The following PLXDC2 variants were observed in gnomAD, a reference collection of about 807,000 sequenced individuals.
PLXDC2 encodes plexin domain-containing protein 2.
PLXDC2 carries 40 observed loss-of-function variants against 68.9 expected under a neutral mutation model. That is an observed-to-expected ratio of 0.58 (90% CI 0.45 to 0.76). The LOEUF is 0.76. PLXDC2 is among the 30% of genes least tolerant of loss of function. The pLI, the probability that PLXDC2 is intolerant of heterozygous loss-of-function variation, is 0.00. For synonymous variants in PLXDC2, 243 were observed against 234.2 expected (o/e 1.04, Z -0.34); for missense variants, 644 against 661.9 (o/e 0.97, Z 0.30).
chr10:20,173,218 T>G (rs562287129), intron 7 of PLXDC2, among the ~76,000 whole-genome samples: 1 of 152,208 alleles, frequency 6.6e-6, no homozygotes, highest in Admixed American at 6.5e-5. Flanking sequence ...AGAAAAGAAA[T>G]AAGATACAAC....
chr10:19,948,872 C>T (rs890943875), intron 1 of PLXDC2, among the ~76,000 whole-genome samples: 2 of 151,850 alleles, frequency 1.3e-5, no homozygotes, highest in South Asian at 2.1e-4. Flanking sequence ...TGGCCGGGCG[C>T]GGTGGCTCAC....
chr10:19,856,744 C>T (rs917278585), intron 1 of PLXDC2, among the ~76,000 whole-genome samples: 3 of 152,122 alleles, frequency 2.0e-5, no homozygotes, highest in African/African-American at 7.2e-5. Context: ...GAAATCAAAA[C>T]AACTTGTACT....
chr10:20,056,803 T>C (rs1437524967), intron 3 of PLXDC2, among the ~76,000 whole-genome samples: 1 of 152,130 alleles, frequency 6.6e-6, no homozygotes, highest in Non-Finnish European at 1.5e-5. Context: ...AAATTAGCCA[T>C]GAAAGGTAAT....
intron 1 of PLXDC2, among the ~76,000 whole-genome samples, chr10:19,924,465 G>A (rs1833507433): frequency 6.6e-6 from 1 of 152,100 alleles, no homozygotes. Flanking sequence ...CAATTACATT[G>A]ACATTTCTGA....
At chr10:20,224,701 A>G (rs1835263884) in intron 12 of PLXDC2, among the ~76,000 whole-genome samples, 1 of 152,256 alleles carries the variant, frequency 6.6e-6, no homozygotes, top group Non-Finnish European at 1.5e-5. Context: ...AATTATTTCA[A>G]GCTCTGAAAT....
At chr10:20,067,367 G>C (rs1836229004) in intron 3 of PLXDC2, among the ~76,000 whole-genome samples, 2 of 152,066 alleles carry the variant, frequency 1.3e-5, no homozygotes, top group African/African-American at 4.8e-5. Context: ...AATTTGGAGA[G>C]CTGATTGTAT....
At chr10:20,097,728 G>T (rs759104253) in intron 4 of PLXDC2, among the ~76,000 whole-genome samples, 4 of 152,046 alleles carry the variant, frequency 2.6e-5, no homozygotes, top group Non-Finnish European at 5.9e-5. Context: ...ATAGGTGCCT[G>T]TGGACCACGG....
chr10:19,826,146 C>T (rs540770515), intron 1 of PLXDC2, among the ~76,000 whole-genome samples: 3 of 152,236 alleles, frequency 2.0e-5, no homozygotes, highest in South Asian at 4.1e-4. Flanking sequence ...GGAATGCTGT[C>T]CTGAACTTTT....
chr10:20,234,556 C>G (rs1387930612), intron 12 of PLXDC2, among the ~76,000 whole-genome samples: 1 of 151,728 alleles, frequency 6.6e-6, no homozygotes, highest in Non-Finnish European at 1.5e-5. Flanking sequence ...ATTTTGTTTT[C>G]TTTCTGTCCT....
chr10:20,008,878 CTT>C lies in PLXDC2; in HGVS notation c.324+6894_324+6895del, dbSNP rs1283365505. 2.0e-5 allele frequency among the ~76,000 whole-genome samples: 3 copies of C among 152,194 alleles called. No individual in the cohort carries two copies. The East Asian group carries it at 5.8e-4, about 29-fold the overall frequency. On this transcript the variant is annotated intron_variant, in intron 2 of 13. Transcript: ENST00000377252. ...CTGCCTGTCGCCATGCAAGACATGA[CTT>C]TGCTCCTCCTTCACCTTCTGCCGTG...
intron 4 of PLXDC2, among the ~76,000 whole-genome samples, chr10:20,072,145 G>C (rs951930560): frequency 6.6e-6 from 1 of 151,866 alleles, no homozygotes; most frequent in Admixed American, 6.6e-5. Context: ...TCCAGAGTTT[G>C]GATCGCCTGA....
At chr10:20,273,531 T>C (rs767663071) in intron 13 of PLXDC2, among the ~76,000 whole-genome samples, 2 of 138,376 alleles carry the variant, frequency 1.4e-5, no homozygotes, top group Non-Finnish European at 3.3e-5. Context: ...ACGATATAGA[T>C]AGATATACAT....
chr10:20,030,208 A>AAACG (rs1452731701), intron 2 of PLXDC2, among the ~76,000 whole-genome samples: 1 of 151,870 alleles, frequency 6.6e-6, no homozygotes, highest in Non-Finnish European at 1.5e-5. Context: ...ACAAACAAAC[A>AAACG]AACAAGAAAC....
At chr10:20,004,056 C>T (rs1834985103) in intron 2 of PLXDC2, among the ~76,000 whole-genome samples, 1 of 152,152 alleles carries the variant, frequency 6.6e-6, no homozygotes, top group Admixed American at 6.6e-5. Context: ...TACTGCACCA[C>T]AATCCCTGAA....
chr10:19,924,787 T>C (rs1199846012), intron 1 of PLXDC2, among the ~76,000 whole-genome samples: 1 of 152,218 alleles, frequency 6.6e-6, no homozygotes, highest in Non-Finnish European at 1.5e-5. Flanking sequence ...TGGTGCAGTT[T>C]CCACATTTAT....
At chr10:20,170,906 G>A (rs555174885) in intron 7 of PLXDC2, among the ~76,000 whole-genome samples, 25 of 151,638 alleles carry the variant, frequency 1.6e-4, no homozygotes, top group Admixed American at 7.2e-4. Context: ...TAATATTTAC[G>A]TAAACATTAT....
chr10:20,027,180 C>T (rs1835419937), intron 2 of PLXDC2, among the ~76,000 whole-genome samples: 1 of 151,628 alleles, frequency 6.6e-6, no homozygotes, highest in African/African-American at 2.4e-5. Context: ...CATAGTTATG[C>T]AAAGCCTAGT....
rs551430764 is a variant in PLXDC2 at position 19,889,274 on chromosome 10, C to T, written c.112+72083C>T. On this transcript the variant is annotated intron_variant, in intron 1 of 13. Transcript: ENST00000377252. ...AAGCTCTGTCTCTTCTTTTCATTGC[C>T]GGTTATTTTTATTTCTCTTAATGAC... 4.7e-4 allele frequency among the ~76,000 whole-genome samples: 71 copies of T among 151,854 alleles called. 1 individual carries two copies. Among genetic ancestry groups the T allele is most frequent in the South Asian group, 2.1e-3 (10 of 4,810 alleles).
chr10:20,192,956 A>AT (rs1491567603), intron 9 of PLXDC2, among the ~76,000 whole-genome samples: 1 of 151,998 alleles, frequency 6.6e-6, no homozygotes, highest in African/African-American at 2.4e-5. Context: ...TCTACACCAC[A>AT]TGTCTTAGGT....
Sources: gnomAD v4.1 joint callset for allele counts (sites outside exome capture counted in the v4.1 genomes callset) on GRCh38, gnomAD v4.1.1 for gene constraint, MANE v1.5 for transcripts, NCBI Gene and HGNC (gene_info 2026-07-23, HGNC 2026-07-21) for gene names.